MIR2052HG: variants seen among roughly 807,000 people sequenced by gnomAD.
MIR2052HG encodes MIR2052 host gene.
chr8:74,600,517 G>C (rs1031613915), intron 1 of MIR2052HG, among the ~76,000 whole-genome samples: 1 of 150,838 alleles, frequency 6.6e-6, no homozygotes, highest in Non-Finnish European at 1.5e-5. Flanking sequence ...GGGAGGCGGA[G>C]GTTGTGGTGA....
At chr8:74,651,944 A>C (rs16938933) in intron 2 of MIR2052HG, among the ~76,000 whole-genome samples, 5,317 of 152,184 alleles carry the variant, frequency 0.035, 150 homozygotes, top group South Asian at 0.11. Context: ...TTTGTACTGA[A>C]CTGTGTCTTC....
At chr8:74,673,212 G>A (rs1251819033) in intron 2 of MIR2052HG, among the ~76,000 whole-genome samples, 1 of 152,044 alleles carries the variant, frequency 6.6e-6, no homozygotes, top group Admixed American at 6.6e-5. Flanking sequence ...CTTTCCAGCT[G>A]AAACTGAAAA....
At chr8:74,695,604 AG>A (rs775679710) in intron 2 of MIR2052HG, among the ~76,000 whole-genome samples, 29 of 152,142 alleles carry the variant, frequency 1.9e-4, no homozygotes, top group Non-Finnish European at 3.7e-4. Flanking sequence ...TTTAAGGTAA[AG>A]GGGCGGAAAA....
chr8:74,730,693 T>C (rs182091740), intron 4 of MIR2052HG, among the ~76,000 whole-genome samples: 1 of 152,292 alleles, frequency 6.6e-6, no homozygotes, highest in East Asian at 1.9e-4. Flanking sequence ...ATTTCAAACT[T>C]CATATTGATC....
chr8:74,672,684 T>A (rs543081837), intron 2 of MIR2052HG, among the ~76,000 whole-genome samples: 1 of 152,224 alleles, frequency 6.6e-6, no homozygotes, highest in South Asian at 2.1e-4. Context: ...AATGTCACTT[T>A]CCTATCACAG....
intron 2 of MIR2052HG, among the ~76,000 whole-genome samples, chr8:74,640,824 A>G (rs1808631766): frequency 6.6e-6 from 1 of 152,208 alleles, no homozygotes; most frequent in African/African-American, 2.4e-5. Flanking sequence ...GATTGCTGCC[A>G]AAGCTTTTGC....
intron 2 of MIR2052HG, among the ~76,000 whole-genome samples, chr8:74,679,957 A>G (rs748057781): frequency 1.4e-4 from 21 of 152,210 alleles, no homozygotes; most frequent in Non-Finnish European, 2.8e-4. Flanking sequence ...AGGTTCTACT[A>G]GCAAGACAAG....
intron 2 of MIR2052HG, among the ~76,000 whole-genome samples, chr8:74,669,209 A>G (rs1383754037): frequency 6.6e-6 from 1 of 152,192 alleles, no homozygotes; most frequent in Non-Finnish European, 1.5e-5. Flanking sequence ...CTCGATGAAT[A>G]TCACTGCCAG....
intron 2 of MIR2052HG, among the ~76,000 whole-genome samples, chr8:74,688,491 A>C (rs1809206275): frequency 7.0e-6 from 1 of 143,750 alleles, no homozygotes; most frequent in Non-Finnish European, 1.6e-5. Flanking sequence ...GATATTAAAG[A>C]ACTGAAGAGG....
chr8:74,633,662 T>C (rs1808547410), intron 2 of MIR2052HG, among the ~76,000 whole-genome samples: 1 of 152,176 alleles, frequency 6.6e-6, no homozygotes, highest in Non-Finnish European at 1.5e-5. Flanking sequence ...TCTGTTTAGG[T>C]ATTTGTTTGC....
chr8:74,746,526 T>C (rs1011268041), intron 4 of MIR2052HG, among the ~76,000 whole-genome samples: 2 of 151,596 alleles, frequency 1.3e-5, no homozygotes, highest in Admixed American at 1.3e-4. Flanking sequence ...GCCATGGGAA[T>C]GCAGGCTGAA....
intron 1 of MIR2052HG, among the ~76,000 whole-genome samples, chr8:74,602,876 T>TTCTTTCTTTCTTTCTTTCTTTC (rs1586883851): frequency 3.1e-4 from 43 of 137,092 alleles, no homozygotes; most frequent in South Asian, 4.6e-4. Flanking sequence ...TTTCTTTCTT[T>TTCTTTCTTTCTTTCTTTCTTTC]TTTCTATTCA....
intron 3 of MIR2052HG, among the ~76,000 whole-genome samples, chr8:74,703,227 G>T (rs1424042978): frequency 6.6e-6 from 1 of 152,124 alleles, no homozygotes; most frequent in South Asian, 2.1e-4. Context: ...CTAAGACTCA[G>T]GTAGGTCCTG....
intron 1 of MIR2052HG, among the ~76,000 whole-genome samples, chr8:74,605,832 A>C (rs1332953644): frequency 6.6e-6 from 1 of 152,228 alleles, no homozygotes; most frequent in Non-Finnish European, 1.5e-5. Flanking sequence ...ATTTCTCTTT[A>C]AAAGACAATC....
intron 2 of MIR2052HG, among the ~76,000 whole-genome samples, chr8:74,642,970 C>T (rs1440360237): frequency 6.6e-6 from 1 of 152,160 alleles, no homozygotes; most frequent in African/African-American, 2.4e-5. Flanking sequence ...AGCCAGATTC[C>T]CATGCATGGC....
intron 2 of MIR2052HG, among the ~76,000 whole-genome samples, chr8:74,684,073 G>A (rs1311992366): frequency 6.6e-6 from 1 of 152,066 alleles, no homozygotes; most frequent in Admixed American, 6.6e-5. Flanking sequence ...ATGGAAATGG[G>A]ACTACTGGTA....
chr8:74,716,753 A>T (rs1809525415), intron 4 of MIR2052HG, among the ~76,000 whole-genome samples: 1 of 152,076 alleles, frequency 6.6e-6, no homozygotes, highest in Non-Finnish European at 1.5e-5. Context: ...AATTTAGATG[A>T]TTATTTTATG....
At chr8:74,661,282 A>G (rs976554812) in intron 2 of MIR2052HG, among the ~76,000 whole-genome samples, 1 of 149,800 alleles carries the variant, frequency 6.7e-6, no homozygotes, top group African/African-American at 2.5e-5. Flanking sequence ...GACTCACTGC[A>G]ACCTCCACCT....
intron 1 of MIR2052HG, among the ~76,000 whole-genome samples, chr8:74,608,025 G>A (rs905291430): frequency 6.6e-6 from 1 of 152,186 alleles, no homozygotes; most frequent in Non-Finnish European, 1.5e-5. Context: ...TTGTAAAGGT[G>A]TCCAAAAACT....
Sources: allele counts gnomAD v4.1 joint callset (sites outside exome capture counted in the v4.1 genomes callset), GRCh38; gene constraint gnomAD v4.1.1; transcripts MANE v1.5; gene names NCBI Gene and HGNC (gene_info 2026-07-23, HGNC 2026-07-21).